The following STXBP5L variants were observed in gnomAD, a reference collection of about 807,000 sequenced individuals.
The protein encoded by STXBP5L is syntaxin binding protein 5L, also known as syntaxin-binding protein 5-like.
Under a neutral mutation model 144.5 loss-of-function variants are expected in STXBP5L, and 65 were observed. The observed-to-expected ratio is 0.45, with a 90% CI of 0.37 to 0.55. STXBP5L has a LOEUF of 0.55. STXBP5L is among the 20% of genes least tolerant of loss of function. The pLI, the probability that STXBP5L is intolerant of heterozygous loss-of-function variation, is 0.00. For missense variants in STXBP5L, 1,298 were observed against 1,405.5 expected (o/e 0.92, Z 1.22); for synonymous variants, 505 against 469.6 (o/e 1.08, Z -0.97).
intron 9 of STXBP5L, among the ~76,000 whole-genome samples, chr3:121,187,517 C>A (rs1199075963): frequency 1.3e-5 from 2 of 150,588 alleles, no homozygotes; most frequent in East Asian, 3.9e-4. Context: ...ATGTAACAAA[C>A]CTGCACATTG....
At chr3:120,931,421 G>A (rs571407650) in intron 2 of STXBP5L, among the ~76,000 whole-genome samples, 1 of 151,712 alleles carries the variant, frequency 6.6e-6, no homozygotes, top group South Asian at 2.1e-4. Context: ...TTTTATTTTT[G>A]TCTTGCTTTA....
At chr3:121,257,517 A>C (rs1402978912) in intron 17 of STXBP5L, among the ~76,000 whole-genome samples, 184 bp downstream of exon 17, 2 of 152,146 alleles carry the variant, frequency 1.3e-5, no homozygotes, top group East Asian at 3.8e-4. Context: ...TTCACCCTTC[A>C]TTCACTTATT....
intron 3 of STXBP5L, among the ~76,000 whole-genome samples, chr3:121,001,630 C>T (rs921827663): frequency 7.9e-5 from 12 of 152,138 alleles, no homozygotes; most frequent in Admixed American, 2.6e-4. Context: ...GGTTACATGG[C>T]AAGAGTGGGC....
intron 6 of STXBP5L, among the ~76,000 whole-genome samples, chr3:121,117,425 A>G (rs2044279864): frequency 6.6e-6 from 1 of 151,844 alleles, no homozygotes; most frequent in East Asian, 1.9e-4. Flanking sequence ...TTCTAATTCC[A>G]CTGTGACAGA....
At chr3:121,358,610 C>T (rs1267573338) in intron 20 of STXBP5L, among the ~76,000 whole-genome samples, 2 of 152,192 alleles carry the variant, frequency 1.3e-5, no homozygotes, top group South Asian at 2.1e-4. Flanking sequence ...CCAGGCCCCA[C>T]CTCCTGGGAG....
chr3:121,378,180 GA>G (rs1033719307), intron 20 of STXBP5L, among the ~76,000 whole-genome samples: 1 of 150,092 alleles, frequency 6.7e-6, no homozygotes, highest in African/African-American at 2.5e-5. Context: ...GGGGTGGGGG[GA>G]AAGGGGAGGG....
intron 5 of STXBP5L, among the ~76,000 whole-genome samples, chr3:121,060,124 T>G (rs2041191085): frequency 6.6e-6 from 1 of 152,196 alleles, no homozygotes; most frequent in East Asian, 1.9e-4. Flanking sequence ...TAAATAGCTC[T>G]TATTATTTTG....
In STXBP5L at chr3:121,347,553, T is replaced by A. The variant is rs181660254; in HGVS notation, c.2176+29013T>A. On this transcript the variant is annotated intron_variant, in intron 20 of 26. Coordinates refer to ENST00000471454, the MANE Select transcript of STXBP5L (RefSeq NM_001308330.2). The stretch of plus-strand genomic sequence containing the variant: ...AATCTATAAATTACCTTGGGCAGTA[T>A]GGCCATTTTCACGATATTGATTCTT... 2.6e-3 allele frequency among the ~76,000 whole-genome samples: 399 copies of A among 152,262 alleles called. 4 individuals carry two copies. The highest frequency in any genetic ancestry group is 9.0e-3 in the African/African-American group (373 of 41,568).
chr3:121,381,169 G>T, intron 21 of STXBP5L, 124 bp from the exon 22 acceptor site: 1 of 951,324 alleles, frequency 1.1e-6, no homozygotes, highest in Non-Finnish European at 1.5e-6. Flanking sequence ...CTCCCTCTCA[G>T]GTCAATTAAC....
intron 3 of STXBP5L, among the ~76,000 whole-genome samples, chr3:120,956,963 A>G (rs13063853): frequency 0.064 from 9,658 of 151,968 alleles, 427 homozygotes; most frequent in Non-Finnish European, 0.094. Context: ...TTTAGGTTTT[A>G]CATTTGGGCC....
intron 20 of STXBP5L, among the ~76,000 whole-genome samples, chr3:121,364,462 G>A (rs1440839802): frequency 6.7e-6 from 1 of 150,270 alleles, no homozygotes; most frequent in Admixed American, 6.7e-5. Context: ...TGAAGTTAAG[G>A]ATGTGTTGTT....
At chr3:121,112,998 A>G (rs1202893928) in intron 5 of STXBP5L, among the ~76,000 whole-genome samples, 1 of 152,102 alleles carries the variant, frequency 6.6e-6, no homozygotes, top group African/African-American at 2.4e-5. Flanking sequence ...GAAAATCTTT[A>G]TCTAGTTGTT....
intron 22 of STXBP5L, among the ~76,000 whole-genome samples, chr3:121,404,487 A>T (rs187288162): frequency 6.6e-6 from 1 of 152,172 alleles, no homozygotes; most frequent in African/African-American, 2.4e-5. Context: ...AGATTACATC[A>T]CTTCCATTCT....
At chr3:121,072,064 T>A (rs2107664373) in intron 5 of STXBP5L, among the ~76,000 whole-genome samples, 1 of 152,366 alleles carries the variant, frequency 6.6e-6, no homozygotes, top group South Asian at 2.1e-4. Context: ...TTTTAACATC[T>A]GCATTAGCTG....
At chr3:121,270,664 G>A (rs1285411474) in intron 18 of STXBP5L, among the ~76,000 whole-genome samples, 2 of 152,114 alleles carry the variant, frequency 1.3e-5, no homozygotes, top group South Asian at 2.1e-4. Context: ...CGTTGACCAG[G>A]CTGGCCTTGA....
At chr3:121,092,445 A>G (rs1055663012) in intron 5 of STXBP5L, among the ~76,000 whole-genome samples, 3 of 152,034 alleles carry the variant, frequency 2.0e-5, no homozygotes, top group African/African-American at 4.8e-5. Flanking sequence ...CTTTAAGTTC[A>G]TTGAGCAGTG....
intron 19 of STXBP5L, among the ~76,000 whole-genome samples, chr3:121,297,711 G>A (rs971794364): frequency 1.3e-5 from 2 of 152,116 alleles, no homozygotes; most frequent in African/African-American, 4.8e-5. Flanking sequence ...CCAAAATCGC[G>A]CCACTGCACT....
chr3:121,206,759 A>G lies in STXBP5L; in HGVS notation c.956+758A>G, dbSNP rs1351581219. ...AGCCCAGGAGGTGGAGGTTGCAGTG[A>G]GCCAAGATGCTGCCACTGCCCTTCA... On this transcript the variant is annotated intron_variant, in intron 10 of 26. Transcript: ENST00000471454. Among the ~76,000 whole-genome samples, 3 of 152,172 alleles carry G rather than the reference A, an allele frequency of 2.0e-5. No homozygotes were observed. In the East Asian group the frequency reaches 5.8e-4, roughly 29 times the overall value.
chr3:120,941,186 T>C (rs1230596760), intron 2 of STXBP5L, among the ~76,000 whole-genome samples: 1 of 151,760 alleles, frequency 6.6e-6, no homozygotes, highest in Non-Finnish European at 1.5e-5. Flanking sequence ...AAATAAGTAG[T>C]ATTTTGAATG....
Sources: allele counts gnomAD v4.1 joint callset (sites outside exome capture counted in the v4.1 genomes callset), GRCh38; gene constraint gnomAD v4.1.1; transcripts MANE v1.5; gene names NCBI Gene and HGNC (gene_info 2026-07-23, HGNC 2026-07-21).